SEMA7A: variants seen among roughly 807,000 people sequenced by gnomAD.
SEMA7A encodes the protein semaphorin 7A (JohnMiltonHagen blood group).
In SEMA7A, 21 loss-of-function variants were observed where a neutral mutation model predicts 67.5. That is an observed-to-expected ratio of 0.31 (90% confidence interval 0.22 to 0.45). The LOEUF (loss-of-function observed/expected upper bound fraction) is 0.45. Among genes scored for constraint, SEMA7A ranks in the 20% least tolerant of loss-of-function variants. The pLI is 1.00. For synonymous variants in SEMA7A, 364 were observed against 368.5 expected, an observed-to-expected ratio of 0.99 and a Z score of 0.14; for missense variants, 774 against 908.6, an observed-to-expected ratio of 0.85 and a Z score of 1.90.
At chr15:74,420,961 A>C (rs1368223321) in intron 1 of SEMA7A, among the ~76,000 whole-genome samples, 1 of 152,218 alleles carries the variant, frequency 6.6e-6, no homozygotes, top group Non-Finnish European at 1.5e-5. Flanking sequence ...AGCCACCTTC[A>C]TCAGTCACCT....
At chr15:74,418,552 G>C (rs1317250801) in intron 2 of SEMA7A, among the ~76,000 whole-genome samples, 3 of 152,212 alleles carry the variant, frequency 2.0e-5, no homozygotes, top group Non-Finnish European at 2.9e-5. Context: ...CTTCCAGCCT[G>C]GGCTTTCCGC....
In SEMA7A at chr15:74,418,886, G is replaced by A; in HGVS notation, c.245C>T (p.Pro82Leu). The A allele has an allele frequency of 6.2e-7, 1 of 1,613,892 alleles. No individual in the cohort carries two copies. The highest frequency in any genetic ancestry group is 2.2e-5 in the East Asian group (1 of 44,886). Reference sequence around the variant, plus strand: ...TCCCACCCACACAGAGGAGCTGCCTGGCTCGTGGAAAAGCACCGTGTGCGG... The same window carrying A: ...TCCCACCCACACAGAGGAGCTGCCTAGCTCGTGGAAAAGCACCGTGTGCGG... ...TEPHTVLFHE[P>L]GSSSVWVGGR... The change falls in exon 2 of 14, where the codon CCA becomes CTA. Residue 82 changes from proline to leucine, a missense_variant. Pro to Leu is a moderately conservative substitution (Grantham distance 98). Transcript: ENST00000261918.
intron 2 of SEMA7A, 27 bp from the exon 3 acceptor site, chr15:74,418,336 C>T: frequency 6.2e-7 from 1 of 1,611,664 alleles, no homozygotes; most frequent in Non-Finnish European, 8.5e-7. Flanking sequence ...AGCATTAGTT[C>T]AATCTGCCAG....
At chr15:74,426,701 A>G (rs2061046575) in intron 1 of SEMA7A, among the ~76,000 whole-genome samples, 1 of 152,102 alleles carries the variant, frequency 6.6e-6, no homozygotes, top group South Asian at 2.1e-4. Flanking sequence ...ACATGTGTTC[A>G]GGAGTTAGAG....
intron 4 of SEMA7A, 90 bp from the exon 5 acceptor site, chr15:74,417,765 T>G: frequency 6.5e-7 from 1 of 1,547,844 alleles, no homozygotes; most frequent in Non-Finnish European, 8.9e-7. Context: ...AGCCCCATCC[T>G]CCCAGGGCAA....
At chr15:74,428,019 G>C (rs1235236994) in intron 1 of SEMA7A, among the ~76,000 whole-genome samples, 1 of 152,252 alleles carries the variant, frequency 6.6e-6, no homozygotes, top group Non-Finnish European at 1.5e-5. Flanking sequence ...GGGTGCAGAA[G>C]GCATGGCAGG....
rs764740325 is a variant in SEMA7A, at chr15:74,414,532, G to T, written c.1294+15C>A. 7 of 1,612,650 alleles carry T rather than the reference G, an allele frequency of 4.3e-6. No individual in the cohort carries two copies. The South Asian group carries it at 7.7e-5, about 18-fold the overall frequency. ...TTTTACAAAGCAAACTGAGGGTCCC[G>T]GGGTAGCCTCTCACCTGTAGTTAGG... is the stretch of plus-strand genomic sequence containing the variant. On this transcript the variant is annotated intron_variant, in intron 10 of 13. Coordinates refer to ENST00000261918, the MANE Select transcript of SEMA7A (RefSeq NM_003612.5). This position sits in a 1 kb window ranked among gnomAD's most constrained non-coding sequence, Gnocchi z 4.1.
chr15:74,429,380 G>A (rs893750512), intron 1 of SEMA7A, among the ~76,000 whole-genome samples: 6 of 152,194 alleles, frequency 3.9e-5, no homozygotes, highest in Admixed American at 3.3e-4. Context: ...GCTTCCCCCA[G>A]GGCGCCACCC....
At chr15:74,417,756 G>A (rs1313269639) in intron 4 of SEMA7A, 81 bp from the exon 5 acceptor site, 2 of 1,542,428 alleles carry the variant, frequency 1.3e-6, no homozygotes, top group Non-Finnish European at 1.8e-6. Flanking sequence ...TCGGCCAGGA[G>A]CCCCATCCTC....
In SEMA7A at chr15:74,415,812, GAAAAC is replaced by G; in HGVS notation, c.970_974del (p.Val324LeufsTer16). 6.2e-7 allele frequency: 1 copy of G among 1,613,086 alleles called. No homozygotes were observed. Among genetic ancestry groups the G allele is most frequent in the Non-Finnish European group, 8.5e-7 (1 of 1,179,504 alleles). ...CAAGGGCCACTCACCAGGGGTTGGA[GAAAAC>G]ACCATAGACCCTGGTGTCCCTCCAC... On this transcript the variant is annotated frameshift_variant, in exon 8 of 14. Transcript: ENST00000261918. LOFTEE classifies it high-confidence loss of function.
Position 74,433,829 on chromosome 15 carries a change from C to G in SEMA7A, c.90G>C (p.Arg30=). The change falls in exon 1 of 14, where the codon CGG becomes CGC. Residue 30 remains arginine, a synonymous_variant. Coordinates refer to ENST00000261918, the MANE Select transcript of SEMA7A (RefSeq NM_003612.5). ...GPPARLGLPL[R]LRLLLLLWAA... ...CCCAGAGCAGCAGCAGCAGCCGCAG[C>G]CGCAGCGGAAGCCCCAACCGAGCCG... 1 of 1,360,556 alleles carries G rather than the reference C, an allele frequency of 7.3e-7. No individual in the cohort carries two copies. The highest frequency in any genetic ancestry group is 1.8e-5 in the South Asian group (1 of 55,798). The allele number at this position is 1,360,556 out of a possible 1,614,324, so 84.3% of individuals were successfully genotyped here.
chr15:74,425,764 G>C (rs1278922119), intron 1 of SEMA7A, among the ~76,000 whole-genome samples: 1 of 152,160 alleles, frequency 6.6e-6, no homozygotes, highest in African/African-American at 2.4e-5. Context: ...CCTCCTCCCA[G>C]TTCCTCCATG....
In SEMA7A at chr15:74,423,312, C is replaced by A. The variant is rs2061016404; in HGVS notation, c.179-4360G>T. Among the ~76,000 whole-genome samples, 2 of 152,180 alleles carry A rather than the reference C, an allele frequency of 1.3e-5. No individual in the cohort carries two copies. Among genetic ancestry groups the A allele is most frequent in the African/African-American group, 4.8e-5 (2 of 41,434 alleles). On this transcript the variant is annotated intron_variant, in intron 1 of 13. Transcript: ENST00000261918. The surrounding 1 kb of genome is among the most constrained non-coding windows in gnomAD (Gnocchi z 4.1). ...GGCCCACGTGATGCCTAGGAATTAG[C>A]CTGCAGCCTCTCCACCCTTTGGAAT...
At chr15:74,413,781 G>T (rs1414068344) in intron 10 of SEMA7A, among the ~76,000 whole-genome samples, 1 of 152,214 alleles carries the variant, frequency 6.6e-6, no homozygotes, top group Non-Finnish European at 1.5e-5. Flanking sequence ...AGGTGAAGCA[G>T]CAACAGGAGA....
At position 74,429,301 on chromosome 15, in the gene SEMA7A, G is replaced by GC. The variant is rs28362869; in HGVS notation, c.178+4439dup. On this transcript the variant is annotated intron_variant, in intron 1 of 13. Coordinates refer to ENST00000261918, the MANE Select transcript of SEMA7A (RefSeq NM_003612.5). The stretch of plus-strand genomic sequence containing the variant: ...CTGCCCCCTGAGGGCTGCCAGACCT[G>GC]CCCCCTGGGCTGAGCTTCACATCCC... 4.3e-3 allele frequency among the ~76,000 whole-genome samples: 647 copies of GC among 151,494 alleles called. 7 individuals are homozygous for GC. The highest frequency in any genetic ancestry group is 0.015 in the African/African-American group (621 of 41,462).
At chr15:74,424,056 C>T (rs1356156832) in intron 1 of SEMA7A, among the ~76,000 whole-genome samples, 1 of 152,056 alleles carries the variant, frequency 6.6e-6, no homozygotes, top group Non-Finnish European at 1.5e-5. Context: ...ATGAGAAGAG[C>T]GAGCTGTGTG....
In SEMA7A at chr15:74,414,557, G is replaced by A. The variant is rs755759369; in HGVS notation, c.1284C>T (p.Tyr428=). 20 of 1,614,120 alleles carry A rather than the reference G, an allele frequency of 1.2e-5. No individual in the cohort carries two copies. The highest frequency in any genetic ancestry group is 1.7e-5 in the Non-Finnish European group (20 of 1,180,048). ...ASHGETFHVL[Y]LTTDRGTIHK... ...GGGGTAGCCTCTCACCTGTAGTTAG[G>A]TAAAGCACATGAAAGGTCTCCCCGT... Residue 428 remains tyrosine (Y), a synonymous_variant, in exon 10 of 14, where the codon TAC becomes TAT. Coordinates refer to ENST00000261918, the MANE Select transcript of SEMA7A (RefSeq NM_003612.5). The surrounding 1 kb of genome is among the most constrained non-coding windows in gnomAD (Gnocchi z 4.1).
chr15:74,412,987 C>T (rs1377515015), intron 10 of SEMA7A, among the ~76,000 whole-genome samples: 1 of 152,200 alleles, frequency 6.6e-6, no homozygotes, highest in Non-Finnish European at 1.5e-5. Context: ...CCAATCCTAC[C>T]TCACCTGCTC....
chr15:74,424,339 C>T (rs1596197451), intron 1 of SEMA7A, among the ~76,000 whole-genome samples: 2 of 152,090 alleles, frequency 1.3e-5, no homozygotes, highest in Non-Finnish European at 2.9e-5. Context: ...AATCACAAAA[C>T]AATCAGGGTG....
Sources: allele counts gnomAD v4.1 joint callset (sites outside exome capture counted in the v4.1 genomes callset), GRCh38; gene constraint gnomAD v4.1.1; non-coding constraint Gnocchi (gnomAD v3.1); transcripts MANE v1.5; gene names NCBI Gene and HGNC (gene_info 2026-07-23, HGNC 2026-07-21).